Variants in PHACTR2 observed in about 807,000 individuals in gnomAD.
PHACTR2 encodes chromosome 6 open reading frame 56.
A neutral mutation model predicts 76.0 loss-of-function variants in PHACTR2; 30 were observed. That is an observed-to-expected ratio of 0.39 (90% CI 0.30 to 0.54). PHACTR2 has a LOEUF of 0.54. Ranked by LOEUF, PHACTR2 falls within the 20% of genes least tolerant of loss-of-function variation. PHACTR2 has a pLI of 0.61. For missense variants in PHACTR2, 696 were observed against 781.1 expected (o/e 0.89, Z 1.30); for synonymous variants, 292 against 292.5 (o/e 1.00, Z 0.02).
At chr6:143,718,868 T>C (rs1181674406) in intron 2 of PHACTR2, among the ~76,000 whole-genome samples, 1 of 151,224 alleles carries the variant, frequency 6.6e-6, no homozygotes, top group Non-Finnish European at 1.5e-5. Flanking sequence ...GTTGGAAAGT[T>C]GGAAGTGTTT....
chr6:143,619,986 G>A lies in PHACTR2; in HGVS notation c.13+11664G>A, dbSNP rs6912373. On this transcript the variant is annotated intron_variant, in intron 1 of 11. Coordinates refer to the PHACTR2 transcript ENST00000305766. The surrounding 1 kb of genome is among the most constrained non-coding windows in gnomAD (Gnocchi z 4.5). ...GGGGGTCAGTTCATTTGTTCAAACAGTAAGCATTTCACAACATTCATTAAC... is the reference window on the plus strand; with the variant it reads ...GGGGGTCAGTTCATTTGTTCAAACAATAAGCATTTCACAACATTCATTAAC... Among the ~76,000 whole-genome samples, 93,290 of 151,374 alleles carry A rather than the reference G, an allele frequency of 0.62. 29,708 individuals carry two copies. Among genetic ancestry groups the A allele is most frequent in the Middle Eastern group, 0.71 (210 of 294 alleles).
intron 2 of PHACTR2, among the ~76,000 whole-genome samples, chr6:143,720,763 C>T (rs1171839761): frequency 6.6e-6 from 1 of 152,114 alleles, no homozygotes; most frequent in African/African-American, 2.4e-5. Flanking sequence ...CAGGCATGGA[C>T]CACCATGCCT....
intron 2 of PHACTR2, among the ~76,000 whole-genome samples, chr6:143,737,882 A>G (rs938019608): frequency 3.3e-5 from 5 of 152,212 alleles, no homozygotes; most frequent in Admixed American, 6.5e-5. Context: ...TTGTGTAGGC[A>G]AGATGGTAGG....
intron 1 of PHACTR2, among the ~76,000 whole-genome samples, chr6:143,687,578 A>G (rs1167798217): frequency 1.3e-5 from 2 of 152,212 alleles, no homozygotes; most frequent in Non-Finnish European, 2.9e-5. Flanking sequence ...AACTACAGAA[A>G]TGCGGAAAGG....
intron 2 of PHACTR2, among the ~76,000 whole-genome samples, chr6:143,729,848 T>C (rs1778661791): frequency 6.6e-6 from 1 of 152,182 alleles, no homozygotes; most frequent in African/African-American, 2.4e-5. Flanking sequence ...GCAAAGGCTC[T>C]TAATTTTGAT....
At chr6:143,768,367 G>A (rs1020926239) in intron 6 of PHACTR2, among the ~76,000 whole-genome samples, 1 of 152,146 alleles carries the variant, frequency 6.6e-6, no homozygotes, top group African/African-American at 2.4e-5. Context: ...AGTGAGCAAG[G>A]CAATATAGTT....
At position 143,623,999 on chromosome 6, in the gene PHACTR2, G is replaced by A. The variant is rs1776207969; in HGVS notation, c.13+15677G>A. 6.6e-6 allele frequency among the ~76,000 whole-genome samples: 1 copy of A among 152,084 alleles called. No homozygotes were observed. Among genetic ancestry groups the A allele is most frequent in the Non-Finnish European group, 1.5e-5 (1 of 67,998 alleles). ...TTGGGGTGAGTGATATGAAGACCCT[G>A]CCTCCCCACCCACTCCCCACCCTGC... On this transcript the variant is annotated intron_variant, in intron 1 of 11. Transcript: ENST00000305766. This position sits in a 1 kb window ranked among gnomAD's most constrained non-coding sequence, Gnocchi z 5.9.
At chr6:143,786,883 T>G (rs1775569033) in intron 10 of PHACTR2, among the ~76,000 whole-genome samples, 1 of 152,196 alleles carries the variant, frequency 6.6e-6, no homozygotes, top group South Asian at 2.1e-4. Context: ...AAGTTGAGAT[T>G]TGGGTGAGGA....
chr6:143,545,369 G>A (rs1774966600), intron 1 of PHACTR2, among the ~76,000 whole-genome samples: 1 of 152,194 alleles, frequency 6.6e-6, no homozygotes, highest in Admixed American at 6.5e-5. Context: ...TGTCAGTTCA[G>A]CCTGAGGCTA....
chr6:143,551,228 T>C (rs1775090817), intron 1 of PHACTR2, among the ~76,000 whole-genome samples: 1 of 150,000 alleles, frequency 6.7e-6, no homozygotes, highest in Non-Finnish European at 1.5e-5. Flanking sequence ...GCCCGAAACC[T>C]GCAGATAGCA....
intron 3 of PHACTR2, among the ~76,000 whole-genome samples, chr6:143,752,418 A>G (rs1203410296): frequency 6.6e-5 from 10 of 152,018 alleles, no homozygotes; most frequent in Admixed American, 4.6e-4. Flanking sequence ...TTTAAGAATC[A>G]TTTGGGTTCT....
intron 2 of PHACTR2, among the ~76,000 whole-genome samples, chr6:143,713,905 A>G (rs1393178637): frequency 6.6e-6 from 1 of 152,226 alleles, no homozygotes; most frequent in African/African-American, 2.4e-5. Context: ...CTCCAGACGT[A>G]ACGTACGAAA....
In PHACTR2 at chr6:143,683,786, G is replaced by A. The variant is rs1398176552; in HGVS notation, c.46+5577G>A. 1.3e-5 allele frequency among the ~76,000 whole-genome samples: 2 copies of A among 152,086 alleles called. No homozygotes were observed. The highest frequency in any genetic ancestry group is 3.9e-4 in the East Asian group (2 of 5,192). On this transcript the variant is annotated intron_variant, in intron 1 of 12. Coordinates refer to ENST00000440869, the MANE Select transcript of PHACTR2 (RefSeq NM_001100164.2). The surrounding 1 kb of genome is among the most constrained non-coding windows in gnomAD (Gnocchi z 4.1). ...GGTAGGAAGTCAAACATTACAAGAT[G>A]GTTTGGGATAAAAATGAATTTACTC...
At position 143,712,023 on chromosome 6, in the gene PHACTR2, A is replaced by G; in HGVS notation, c.54A>G (p.Gly18=). The G allele has an allele frequency of 6.3e-7, 1 of 1,594,980 alleles. No homozygotes were observed. Among genetic ancestry groups the G allele is most frequent in the Non-Finnish European group, 8.5e-7 (1 of 1,171,834 alleles). ...TLSPQPGSVD[G]LDKASIANSD... is the part of the protein sequence containing the mutation. ...ATATCTTTCTTTATACAGTTGACGG[A>G]CTGGACAAAGCTTCTATAGCAAACT... Residue 18 remains glycine (G), a synonymous_variant, in exon 2 of 13, where the codon GGA becomes GGG. Transcript: ENST00000440869.
Position 143,562,688 on chromosome 6 carries a change from G to GA in PHACTR2, c.217+25487dup, listed in dbSNP as rs1235932048. ...CATGCCACAGACTCTCATTGTGAAA[G>GA]AAAAAAGCACATTAAAGAACATATC... is the stretch of plus-strand genomic sequence containing the variant. On this transcript the variant is annotated intron_variant, in intron 1 of 11. Transcript: ENST00000367584. The surrounding 1 kb of genome is among the most constrained non-coding windows in gnomAD (Gnocchi z 5.1). Among the ~76,000 whole-genome samples the GA allele has an allele frequency of 1.3e-5, 2 of 151,954 alleles. No individual in the cohort carries two copies. The highest frequency in any genetic ancestry group is 4.8e-5 in the African/African-American group (2 of 41,378).
At position 143,647,835 on chromosome 6, in the gene PHACTR2, A is replaced by G. The variant is rs1582733435; in HGVS notation, c.13+39513A>G. 1.3e-5 allele frequency among the ~76,000 whole-genome samples: 2 copies of G among 152,176 alleles called. No individual in the cohort carries two copies. Among genetic ancestry groups the G allele is most frequent in the South Asian group, 4.1e-4 (2 of 4,826 alleles). ...TGTGGCTGGAAAGGGCAGGTAAGGG[A>G]GAGCATAAGGGGAAATGGGCACAGA... On this transcript the variant is annotated intron_variant, in intron 1 of 11. Transcript: ENST00000305766. This position sits in a 1 kb window ranked among gnomAD's most constrained non-coding sequence, Gnocchi z 4.2.
intron 6 of PHACTR2, among the ~76,000 whole-genome samples, chr6:143,770,727 C>G (rs1775080585): frequency 6.6e-6 from 1 of 151,924 alleles, no homozygotes; most frequent in Non-Finnish European, 1.5e-5. Context: ...TTTGGGGGAT[C>G]TTTGTGTCTT....
intron 12 of PHACTR2, among the ~76,000 whole-genome samples, chr6:143,813,500 GC>G (rs1181283358): frequency 2.0e-5 from 3 of 151,450 alleles, no homozygotes; most frequent in Non-Finnish European, 4.4e-5. Context: ...CGCCTGTAGT[GC>G]CAGCTACTCC....
At chr6:143,566,514 G>A (rs901037208) in intron 1 of PHACTR2, among the ~76,000 whole-genome samples, 2 of 148,500 alleles carry the variant, frequency 1.3e-5, no homozygotes, top group Non-Finnish European at 3.0e-5. Flanking sequence ...GTGTTGCCCA[G>A]GCTGATGTTG....
Sources: allele counts gnomAD v4.1 joint callset (sites outside exome capture counted in the v4.1 genomes callset), GRCh38; gene constraint gnomAD v4.1.1; non-coding constraint Gnocchi (gnomAD v3.1); transcripts MANE v1.5; gene names NCBI Gene and HGNC (gene_info 2026-07-23, HGNC 2026-07-21).